Variants in PABPC4L observed in about 807,000 individuals in gnomAD.
PABPC4L encodes polyadenylate-binding protein 4-like.
For missense variants in PABPC4L, 452 were observed against 451.4 expected (o/e 1.00, Z -0.01); for synonymous variants, 169 against 164.1 (o/e 1.03, Z -0.23).
chr4:134,189,940 C>T, the PABPC4L span, among the ~76,000 whole-genome samples: 5 of 151,998 alleles, frequency 3.3e-5, no homozygotes, highest in African/African-American at 7.2e-5. Context: ...CTGTCTTCCC[C>T]TTACCTGGTA....
the PABPC4L span, among the ~76,000 whole-genome samples, chr4:134,145,697 A>G: frequency 6.6e-6 from 1 of 152,102 alleles, no homozygotes; most frequent in African/African-American, 2.4e-5. Flanking sequence ...GAGACTTGCT[A>G]GAAAATTACA....
chr4:134,040,095 T>C, the PABPC4L span, among the ~76,000 whole-genome samples: 1 of 151,852 alleles, frequency 6.6e-6, no homozygotes, highest in Non-Finnish European at 1.5e-5. Flanking sequence ...AAACATGTCA[T>C]GCTCATGGAT....
Position 134,201,102 on chromosome 4 carries a change from C to A in PABPC4L, c.-83G>T. On this transcript the variant is annotated 5_prime_UTR_variant, in exon 2 of 2. Transcript: ENST00000421491. Reference sequence around the variant, plus strand: ...GGGGGATACTAGGTCACAGCTTTGGCCCGGTTCAAGTGTGGAGGCCTCGGG... The same window carrying A: ...GGGGGATACTAGGTCACAGCTTTGGACCGGTTCAAGTGTGGAGGCCTCGGG... 6.4e-7 allele frequency: 1 copy of A among 1,550,768 alleles called. No individual in the cohort carries two copies. Among genetic ancestry groups the A allele is most frequent in the Non-Finnish European group, 8.7e-7 (1 of 1,146,866 alleles).
chr4:134,120,726 G>GT, the PABPC4L span, among the ~76,000 whole-genome samples: 13 of 151,238 alleles, frequency 8.6e-5, no homozygotes, highest in African/African-American at 2.7e-4. Flanking sequence ...TGAAAATCAT[G>GT]TGTCTTTTAA....
At chr4:134,057,005 C>T in the PABPC4L span, among the ~76,000 whole-genome samples, 9 of 152,062 alleles carry the variant, frequency 5.9e-5, no homozygotes, top group Non-Finnish European at 1.2e-4. Context: ...TTAAGTATAA[C>T]ATTACCTAGA....
the PABPC4L span, chr4:133,978,892 A>G: frequency 6.6e-5 from 10 of 152,160 alleles, no homozygotes; most frequent in Admixed American, 6.6e-4. Context: ...ATTACTGGAC[A>G]TCTACAAATA....
chr4:134,176,313 C>A, the PABPC4L span, among the ~76,000 whole-genome samples: 1 of 151,716 alleles, frequency 6.6e-6, no homozygotes, highest in South Asian at 2.1e-4. Flanking sequence ...GTTATGTCTA[C>A]CTGCTCAAAA....
chr4:134,102,512 G>A, the PABPC4L span, among the ~76,000 whole-genome samples: 2 of 151,434 alleles, frequency 1.3e-5, no homozygotes, highest in African/African-American at 2.4e-5. Flanking sequence ...TAATTCTAAT[G>A]TCCAGTCAAC....
Position 134,199,773 on chromosome 4 carries a change from G to GT in PABPC4L, c.*133dup. 1 of 1,189,518 alleles carries GT rather than the reference G, an allele frequency of 8.4e-7. No individual in the cohort carries two copies. Among genetic ancestry groups the GT allele is most frequent in the Non-Finnish European group, 1.1e-6 (1 of 884,420 alleles). 73.7% of individuals were successfully genotyped at this position (1,189,518 alleles called of 1,614,324 possible). A position where few individuals can be genotyped will look rare whatever the true frequency, so the allele number is the denominator to read the frequency against. ...AAAAAAATGGCTTTGTATAAAAAAC[G>GT]TTTTATCATAAAGTTTACTAAACTA... On this transcript the variant is annotated 3_prime_UTR_variant, in exon 2 of 2. Coordinates refer to ENST00000421491, the MANE Select transcript of PABPC4L (RefSeq NM_001114734.2).
chr4:134,099,939 T>C, the PABPC4L span, among the ~76,000 whole-genome samples: 7 of 151,754 alleles, frequency 4.6e-5, no homozygotes, highest in African/African-American at 1.7e-4. Context: ...ATTTTAATGG[T>C]CAGACCCTGT....
the PABPC4L span, among the ~76,000 whole-genome samples, chr4:134,056,637 T>G: frequency 6.6e-6 from 1 of 151,978 alleles, no homozygotes; most frequent in Non-Finnish European, 1.5e-5. Context: ...ATTATTAATA[T>G]CTAATGATTG....
chr4:134,019,181 CTGTT>C, the PABPC4L span, among the ~76,000 whole-genome samples: 2 of 152,254 alleles, frequency 1.3e-5, no homozygotes, highest in South Asian at 2.1e-4. Flanking sequence ...GAGAAGGAAT[CTGTT>C]TGTCAGCCTA....
the PABPC4L span, among the ~76,000 whole-genome samples, chr4:134,120,313 C>T: frequency 1.4e-5 from 2 of 145,018 alleles, no homozygotes; most frequent in African/African-American, 2.5e-5. Flanking sequence ...TGATTTTTTA[C>T]CATGGTTTTA....
the PABPC4L span, among the ~76,000 whole-genome samples, chr4:134,028,135 C>G: frequency 6.6e-6 from 1 of 152,086 alleles, no homozygotes. Context: ...CCCAGAAACT[C>G]TGAATCAGAA....
chr4:134,002,176 A>G, the PABPC4L span, among the ~76,000 whole-genome samples: 6 of 151,986 alleles, frequency 3.9e-5, no homozygotes, highest in Non-Finnish European at 8.8e-5. Context: ...TTCAAAGAAT[A>G]ACTTAAATCC....
the PABPC4L span, among the ~76,000 whole-genome samples, chr4:134,129,371 A>G: frequency 6.6e-6 from 1 of 152,116 alleles, no homozygotes; most frequent in Non-Finnish European, 1.5e-5. Flanking sequence ...TGCAGAATAT[A>G]CATTCTATTC....
chr4:134,039,028 G>T, the PABPC4L span, among the ~76,000 whole-genome samples: 1 of 152,074 alleles, frequency 6.6e-6, no homozygotes, highest in Admixed American at 6.6e-5. Context: ...TTGTGTCTTT[G>T]TTCTCATTGG....
At chr4:134,087,289 A>G in the PABPC4L span, among the ~76,000 whole-genome samples, 1 of 152,092 alleles carries the variant, frequency 6.6e-6, no homozygotes, top group Non-Finnish European at 1.5e-5. Context: ...AGGGACATGG[A>G]TGAAATTGGA....
chr4:134,166,358 G>T, the PABPC4L span, among the ~76,000 whole-genome samples: 1 of 152,234 alleles, frequency 6.6e-6, no homozygotes, highest in Non-Finnish European at 1.5e-5. Flanking sequence ...CAATACCATA[G>T]AAATAAAAAT....
Sources: allele counts gnomAD v4.1 joint callset (sites outside exome capture counted in the v4.1 genomes callset), GRCh38; gene constraint gnomAD v4.1.1; transcripts MANE v1.5; gene names NCBI Gene and HGNC (gene_info 2026-07-23, HGNC 2026-07-21).